Variants in ABTB3 observed in about 807,000 individuals in gnomAD.
The protein encoded by ABTB3 is ankyrin repeat- and BTB/POZ domain-containing protein 3.
At chr12:107,591,620 T>C in the ABTB3 span, among the ~76,000 whole-genome samples, 3 of 152,148 alleles carry the variant, frequency 2.0e-5, no homozygotes, top group South Asian at 6.2e-4. Context: ...CAAGGACACA[T>C]ATCCAGACCA....
the ABTB3 span, among the ~76,000 whole-genome samples, chr12:107,586,599 G>T: frequency 6.6e-6 from 1 of 152,186 alleles, no homozygotes; most frequent in Non-Finnish European, 1.5e-5. Context: ...TGATGTCAAT[G>T]CATTAGCGCC....
chr12:107,448,530 A>T, the ABTB3 span, among the ~76,000 whole-genome samples: 2 of 152,274 alleles, frequency 1.3e-5, no homozygotes, highest in Non-Finnish European at 1.5e-5. Context: ...AACTTAAAGT[A>T]AAACTCTAAA....
the ABTB3 span, among the ~76,000 whole-genome samples, chr12:107,388,576 C>A: frequency 1.3e-5 from 2 of 151,736 alleles, no homozygotes; most frequent in East Asian, 3.9e-4. Context: ...CCTACTCCCA[C>A]CCTTTCTTCT....
At chr12:107,608,561 A>G in the ABTB3 span, among the ~76,000 whole-genome samples, 1 of 151,906 alleles carries the variant, frequency 6.6e-6, no homozygotes. Flanking sequence ...CTGCTCTCTC[A>G]TCTCCTATCT....
the ABTB3 span, among the ~76,000 whole-genome samples, chr12:107,368,608 A>G: frequency 1.3e-5 from 2 of 152,162 alleles, no homozygotes; most frequent in African/African-American, 2.4e-5. Context: ...ATCTATACTC[A>G]GGAGTGGGTT....
the ABTB3 span, among the ~76,000 whole-genome samples, chr12:107,380,289 CTG>C: frequency 6.6e-6 from 1 of 152,176 alleles, no homozygotes; most frequent in Non-Finnish European, 1.5e-5. Flanking sequence ...TCCTGAATCT[CTG>C]TATAATTTGC....
the ABTB3 span, among the ~76,000 whole-genome samples, chr12:107,602,490 ACT>A: frequency 1.3e-5 from 2 of 152,178 alleles, no homozygotes; most frequent in Non-Finnish European, 2.9e-5. Context: ...TGAGCGCAGT[ACT>A]CTGCTAAGCG....
the ABTB3 span, among the ~76,000 whole-genome samples, chr12:107,524,539 A>C: frequency 1.3e-5 from 2 of 152,238 alleles, no homozygotes; most frequent in African/African-American, 4.8e-5. Context: ...AATAACAATA[A>C]TAACGGCAGC....
chr12:107,413,101 T>G, the ABTB3 span, among the ~76,000 whole-genome samples: 5 of 151,720 alleles, frequency 3.3e-5, no homozygotes, highest in Admixed American at 3.3e-4. Flanking sequence ...CGTGAAACCC[T>G]GTCTCTACTA....
the ABTB3 span, among the ~76,000 whole-genome samples, chr12:107,426,681 G>T: frequency 6.6e-6 from 1 of 152,080 alleles, no homozygotes; most frequent in Non-Finnish European, 1.5e-5. Context: ...CTTTATGGAG[G>T]GTGAAGGTCG....
At chr12:107,439,309 G>C in the ABTB3 span, among the ~76,000 whole-genome samples, 1 of 152,126 alleles carries the variant, frequency 6.6e-6, no homozygotes, top group Non-Finnish European at 1.5e-5. Context: ...GGTGTGTTTG[G>C]AATAGGAAGG....
At chr12:107,614,318 T>C in the ABTB3 span, among the ~76,000 whole-genome samples, 1 of 152,082 alleles carries the variant, frequency 6.6e-6, no homozygotes, top group Non-Finnish European at 1.5e-5. Context: ...TGGGAAAGCT[T>C]TGTGCCCATA....
At chr12:107,521,263 T>TTG in the ABTB3 span, among the ~76,000 whole-genome samples, 51,143 of 142,528 alleles carry the variant, frequency 0.36, 9,687 homozygotes, top group South Asian at 0.48. Context: ...TTCATATAAG[T>TTG]TGTGTGTGTG....
the ABTB3 span, among the ~76,000 whole-genome samples, chr12:107,654,828 A>ACACACACACACACG: frequency 3.7e-4 from 54 of 145,558 alleles, no homozygotes; most frequent in African/African-American, 1.4e-3. Flanking sequence ...ACACACACAC[A>ACACACACACACACG]CACACACACA....
chr12:107,475,920 C>T, the ABTB3 span, among the ~76,000 whole-genome samples: 1 of 152,012 alleles, frequency 6.6e-6, no homozygotes, highest in Non-Finnish European at 1.5e-5. Flanking sequence ...CCTGGCCTGG[C>T]CAGAGAACAT....
At chr12:107,628,962 A>G in the ABTB3 span, among the ~76,000 whole-genome samples, 3 of 152,142 alleles carry the variant, frequency 2.0e-5, no homozygotes, top group African/African-American at 7.2e-5. Context: ...GCCACCTATA[A>G]AGGACCTTTG....
At chr12:107,469,920 T>TTCTTTCTCTCTCTCTCTCTCTCTCTCTC in the ABTB3 span, among the ~76,000 whole-genome samples, 1 of 101,976 alleles carries the variant, frequency 9.8e-6, no homozygotes. Flanking sequence ...CTTTCTTTCT[T>TTCTTTCTCTCTCTCTCTCTCTCTCTCTC]TCTCTCTCTC....
chr12:107,605,688 A>G, the ABTB3 span, among the ~76,000 whole-genome samples: 1 of 152,084 alleles, frequency 6.6e-6, no homozygotes, highest in Non-Finnish European at 1.5e-5. Flanking sequence ...TATGTTTTAA[A>G]CTCACCCTGA....
the ABTB3 span, among the ~76,000 whole-genome samples, chr12:107,656,136 CAA>C: frequency 9.0e-3 from 1,160 of 129,584 alleles, 11 homozygotes; most frequent in South Asian, 0.037. Flanking sequence ...AAAAAAAATA[CAA>C]AAAAAAAAAA....
Sources: gnomAD v4.1 joint callset for allele counts (sites outside exome capture counted in the v4.1 genomes callset) on GRCh38, gnomAD v4.1.1 for gene constraint, MANE v1.5 for transcripts, NCBI Gene and HGNC (gene_info 2026-07-23, HGNC 2026-07-21) for gene names.